Variants in PXT1 observed in about 807,000 individuals in gnomAD.
The protein encoded by PXT1 is peroxisomal testis enriched protein 1, also known as peroxisomal testis-specific protein 1.
In PXT1, 11 loss-of-function variants were observed where a neutral mutation model predicts 11.0. The ratio of observed to expected loss-of-function variants is 1.00; its 90% confidence interval spans 0.63 to 1.66. The LOEUF (loss-of-function observed/expected upper bound fraction) is 1.66, where lower values mean the gene tolerates loss of function less well. Ranked by LOEUF, PXT1 falls within the 40% of genes most tolerant of loss-of-function variation. The pLI is 0.00. For synonymous variants in PXT1, 43 were observed against 51.4 expected, an observed-to-expected ratio of 0.84 and a Z score of 0.70; for missense variants, 141 against 155.5, an observed-to-expected ratio of 0.91 and a Z score of 0.49.
rs1346806388 is a variant in PXT1, at chr6:36,442,660, T to C, written c.-255A>G. ...AGCAACTCCAGTATTCTTACTACGC[T>C]ACCTCCAACCTCGCTCCACGCATGG... On this transcript the variant is annotated 5_prime_UTR_variant, in exon 1 of 5. An upstream open reading frame in the 5' UTR loses its in-frame stop. Coordinates refer to ENST00000454782, the MANE Select transcript of PXT1 (RefSeq NM_152990.4). The C allele has an allele frequency of 3.9e-5, 6 of 152,356 alleles. No individual in the cohort carries two copies. The highest frequency in any genetic ancestry group is 8.8e-5 in the Non-Finnish European group (6 of 68,038). 9.4% of individuals were successfully genotyped at this position (152,356 alleles called of 1,614,324 possible).
In PXT1 at chr6:36,442,655, T is replaced by C. The variant is rs2127421023; in HGVS notation, c.-250A>G. On this transcript the variant is annotated 5_prime_UTR_variant, in exon 1 of 5. An upstream open reading frame in the 5' UTR loses its in-frame stop. Transcript: ENST00000454782. ...GTTTAAGCAACTCCAGTATTCTTAC[T>C]ACGCTACCTCCAACCTCGCTCCACG... 1 of 152,360 alleles carries C rather than the reference T, an allele frequency of 6.6e-6. No individual in the cohort carries two copies. Among genetic ancestry groups the C allele is most frequent in the Admixed American group, 6.5e-5 (1 of 15,302 alleles). 9.4% of individuals were successfully genotyped at this position (152,360 alleles called of 1,614,324 possible).
chr6:36,440,982 C>T (rs1283928334), intron 1 of PXT1, among the ~76,000 whole-genome samples: 1 of 152,028 alleles, frequency 6.6e-6, no homozygotes, highest in Non-Finnish European at 1.5e-5. Flanking sequence ...TACCACAAAT[C>T]TGCAGCCAGT....
At chr6:36,393,457 C>T (rs956069857) in intron 4 of PXT1, 1 of 152,800 alleles carries the variant, frequency 6.5e-6, no homozygotes, top group Non-Finnish European at 1.5e-5. Context: ...CAGAAGTCAC[C>T]TTCTTGGTGG....
At chr6:36,416,345 A>G in intron 3 of PXT1, among the ~76,000 whole-genome samples, 1 of 152,044 alleles carries the variant, frequency 6.6e-6, no homozygotes, top group East Asian at 1.9e-4. Flanking sequence ...AAAGACCCAG[A>G]CCCTATCTCT....
intron 3 of PXT1, among the ~76,000 whole-genome samples, chr6:36,409,458 G>A (rs551718599): frequency 6.6e-6 from 1 of 152,178 alleles, no homozygotes; most frequent in African/African-American, 2.4e-5. Context: ...GAAGTCTGAT[G>A]GGGATCAACT....
At chr6:36,400,328 TA>T in intron 4 of PXT1, 125 bp downstream of exon 4, 2 of 1,154,000 alleles carry the variant, frequency 1.7e-6, no homozygotes, top group Non-Finnish European at 2.5e-6. Context: ...TAACATTTGG[TA>T]ATCCAGACAG....
intron 3 of PXT1, among the ~76,000 whole-genome samples, chr6:36,414,721 G>A (rs929356352): frequency 2.0e-5 from 3 of 152,154 alleles, no homozygotes; most frequent in African/African-American, 4.8e-5. Flanking sequence ...AAAAAATGAG[G>A]TTGAAAGTAC....
chr6:36,396,013 A>G (rs1439823494), intron 4 of PXT1, among the ~76,000 whole-genome samples: 1 of 152,158 alleles, frequency 6.6e-6, no homozygotes, highest in East Asian at 1.9e-4. Flanking sequence ...ACAAACAAAC[A>G]AAAGAAGGTA....
chr6:36,417,329 A>G (rs921063926), intron 3 of PXT1, among the ~76,000 whole-genome samples: 2 of 152,176 alleles, frequency 1.3e-5, no homozygotes, highest in African/African-American at 4.8e-5. Flanking sequence ...CCTGGGCAAC[A>G]AAGCAAGACT....
chr6:36,418,652 G>A (rs1295949982), intron 3 of PXT1, among the ~76,000 whole-genome samples: 1 of 152,200 alleles, frequency 6.6e-6, no homozygotes, highest in Non-Finnish European at 1.5e-5. Context: ...AGTGGAAAAG[G>A]CAGCCACCTA....
Position 36,412,153 on chromosome 6 carries a change from A to G in PXT1, c.170-11569T>C, listed in dbSNP as rs559149918. ...GATCACCTGAGGTCAGGAGTTCAAGACCAGCCTGGCCAACATGGTGAAACC... is the reference window on the plus strand; with the variant it reads ...GATCACCTGAGGTCAGGAGTTCAAGGCCAGCCTGGCCAACATGGTGAAACC... On this transcript the variant is annotated intron_variant, in intron 3 of 4. Coordinates refer to ENST00000454782, the MANE Select transcript of PXT1 (RefSeq NM_152990.4). 1.4e-4 allele frequency among the ~76,000 whole-genome samples: 21 copies of G among 151,712 alleles called. No individual in the cohort carries two copies. The East Asian group carries it at 3.5e-3, about 25-fold the overall frequency.
intron 2 of PXT1, among the ~76,000 whole-genome samples, chr6:36,438,206 C>T (rs1225262489): frequency 6.6e-6 from 1 of 152,012 alleles, no homozygotes; most frequent in East Asian, 1.9e-4. Flanking sequence ...AACAATTTAC[C>T]AGAATAATAA....
intron 1 of PXT1, among the ~76,000 whole-genome samples, chr6:36,440,658 T>C (rs938185458): frequency 2.6e-5 from 4 of 151,798 alleles, no homozygotes; most frequent in African/African-American, 9.7e-5. Context: ...CTACATTAAA[T>C]TAGAAATAAA....
intron 3 of PXT1, among the ~76,000 whole-genome samples, chr6:36,424,615 G>A (rs1424983632): frequency 2.0e-5 from 3 of 152,194 alleles, no homozygotes; most frequent in African/African-American, 7.2e-5. Flanking sequence ...CTCCAGCCTG[G>A]GTGACAGTGC....
rs779574669 is a variant in PXT1, at chr6:36,402,524, G to A, written c.170-1940C>T. The stretch of plus-strand genomic sequence containing the variant: ...GAGTAAGAACGAGGTTTGCACAGAT[G>A]GGTCAGGAAGACATCTGAAACGAAG... On this transcript the variant is annotated intron_variant, in intron 3 of 4. Transcript: ENST00000454782. 5.7e-4 allele frequency among the ~76,000 whole-genome samples: 87 copies of A among 152,184 alleles called. 1 individual carries two copies. Among genetic ancestry groups the A allele is most frequent in the Non-Finnish European group, 2.1e-4 (14 of 68,024 alleles).
At chr6:36,430,971 C>T (rs371518016) in intron 2 of PXT1, among the ~76,000 whole-genome samples, 1 of 151,956 alleles carries the variant, frequency 6.6e-6, no homozygotes. Flanking sequence ...CTCACCACCA[C>T]GCCCAGCTAA....
At chr6:36,418,512 C>T (rs952777881) in intron 3 of PXT1, among the ~76,000 whole-genome samples, 1 of 152,140 alleles carries the variant, frequency 6.6e-6, no homozygotes, top group South Asian at 2.1e-4. Context: ...GCTCTCTGTA[C>T]TAGTTGATTT....
chr6:36,425,804 A>AT (rs1561932359), intron 3 of PXT1, 110 bp downstream of exon 3: 58 of 239,424 alleles, frequency 2.4e-4, no homozygotes, highest in South Asian at 1.7e-3. Context: ...CAAAAACAAA[A>AT]AATATATATA....
intron 4 of PXT1, among the ~76,000 whole-genome samples, chr6:36,398,012 C>G (rs1312213310): frequency 6.7e-6 from 1 of 149,460 alleles, no homozygotes; most frequent in Admixed American, 6.6e-5. Flanking sequence ...AAGACTCTGT[C>G]TCAAAAAAAA....
Sources: gnomAD v4.1 joint callset for allele counts (sites outside exome capture counted in the v4.1 genomes callset) on GRCh38, gnomAD v4.1.1 for gene constraint, MANE v1.5 for transcripts, NCBI Gene and HGNC (gene_info 2026-07-23, HGNC 2026-07-21) for gene names.